ACTR3B: variants seen among roughly 807,000 people sequenced by gnomAD.
The protein encoded by ACTR3B is actin-related protein 3B.
A neutral mutation model predicts 59.0 loss-of-function variants in ACTR3B; 8 were observed. That is an observed-to-expected ratio of 0.14 (90% CI 0.08 to 0.24). The LOEUF (loss-of-function observed/expected upper bound fraction) is 0.24. ACTR3B is among the 10% of genes least tolerant of loss of function. ACTR3B has a pLI of 1.00. For missense variants in ACTR3B, 245 were observed against 552.3 expected (o/e 0.44, Z 5.58); for synonymous variants, 148 against 197.9 (o/e 0.75, Z 2.12).
chr7:152,854,567 G>A lies in ACTR3B; in HGVS notation c.*14G>A, dbSNP rs376102692. 1.6e-5 allele frequency: 25 copies of A among 1,612,596 alleles called. No homozygotes were observed. Among genetic ancestry groups the A allele is most frequent in the Admixed American group, 5.0e-5 (3 of 59,996 alleles). On this transcript the variant is annotated 3_prime_UTR_variant, in exon 12 of 12. Transcript: ENST00000256001. The surrounding 1 kb of genome is among the most constrained non-coding windows in gnomAD (Gnocchi z 4.9). ...GTCATGTCCTAGTGTCTGCCTGAAC[G>A]CGTCGTTCGATGGTGTCACGTTGGG... is the stretch of plus-strand genomic sequence containing the variant.
intron 1 of ACTR3B, among the ~76,000 whole-genome samples, chr7:152,767,367 C>T (rs2098113601): frequency 6.6e-6 from 1 of 152,130 alleles, no homozygotes; most frequent in Non-Finnish European, 1.5e-5. Flanking sequence ...TTCATAATAG[C>T]AGCACCACAC....
At chr7:152,819,847 G>T (rs1160842026) in intron 6 of ACTR3B, among the ~76,000 whole-genome samples, 5 of 150,510 alleles carry the variant, frequency 3.3e-5, no homozygotes, top group East Asian at 3.9e-4. Flanking sequence ...AGTCCAGGTT[G>T]TTAGAATCTA....
chr7:152,777,525 G>C (rs1420823919), intron 1 of ACTR3B, among the ~76,000 whole-genome samples: 1 of 152,108 alleles, frequency 6.6e-6, no homozygotes, highest in Non-Finnish European at 1.5e-5. Flanking sequence ...TCCATTATAT[G>C]TTCTTATTGT....
At chr7:152,786,595 A>C (rs995313414) in intron 2 of ACTR3B, among the ~76,000 whole-genome samples, 2 of 151,710 alleles carry the variant, frequency 1.3e-5, no homozygotes, top group Non-Finnish European at 2.9e-5. Flanking sequence ...CCCACACACA[A>C]AAAACCCCAT....
At chr7:152,833,777 G>A (rs977176275) in intron 9 of ACTR3B, among the ~76,000 whole-genome samples, 1 of 152,158 alleles carries the variant, frequency 6.6e-6, no homozygotes, top group Non-Finnish European at 1.5e-5. Flanking sequence ...TATGTGCTGT[G>A]ACATTCTTTA....
At chr7:152,761,755 AGTT>A (rs2098090101) in intron 1 of ACTR3B, among the ~76,000 whole-genome samples, 1 of 152,234 alleles carries the variant, frequency 6.6e-6, no homozygotes, top group South Asian at 2.1e-4. Flanking sequence ...GCACATCAGT[AGTT>A]CTTACATTTC....
intron 1 of ACTR3B, among the ~76,000 whole-genome samples, chr7:152,770,250 A>C (rs1466517215): frequency 6.6e-6 from 1 of 152,128 alleles, no homozygotes; most frequent in African/African-American, 2.4e-5. Flanking sequence ...ATTTCCAGTG[A>C]AGTGTGGATC....
chr7:152,801,278 C>T (rs528682825), intron 3 of ACTR3B, among the ~76,000 whole-genome samples: 16 of 152,278 alleles, frequency 1.1e-4, no homozygotes, highest in South Asian at 6.2e-4. Context: ...CAGTGTCTTG[C>T]TATGTTGCCC....
intron 2 of ACTR3B, among the ~76,000 whole-genome samples, chr7:152,793,284 ATCTTTTCTTATATATCCCAGATG>A (rs1212215937): frequency 1.3e-5 from 1 of 76,610 alleles, no homozygotes; most frequent in Non-Finnish European, 2.5e-5. Context: ...CAAATGCTAA[ATCTTTTCTTATATATCCCAGATG>A]TCCCTGAGGC....
In ACTR3B at chr7:152,844,984, G is replaced by A. The variant is rs546337129; in HGVS notation, c.952-7142G>A. On this transcript the variant is annotated intron_variant, in intron 9 of 11. Transcript: ENST00000256001. Reference sequence around the variant, plus strand: ...ATCTGAGAGGATTTAGAGGAAATTAGTACAACCGGTGAGCTCTCATACAGT... The same window carrying A: ...ATCTGAGAGGATTTAGAGGAAATTAATACAACCGGTGAGCTCTCATACAGT... 6.8e-3 allele frequency among the ~76,000 whole-genome samples: 1,006 copies of A among 148,002 alleles called. 11 individuals are homozygous for A. Among genetic ancestry groups the A allele is most frequent in the African/African-American group, 0.024 (944 of 39,860 alleles).
chr7:152,822,375 G>A (rs1461467499), intron 7 of ACTR3B, among the ~76,000 whole-genome samples: 1 of 150,908 alleles, frequency 6.6e-6, no homozygotes, highest in Non-Finnish European at 1.5e-5. Flanking sequence ...GCTGCTATGC[G>A]GAGGCCAGCT....
At chr7:152,800,957 A>G (rs1173765002) in intron 3 of ACTR3B, among the ~76,000 whole-genome samples, 3 of 152,392 alleles carry the variant, frequency 2.0e-5, no homozygotes, top group African/African-American at 7.2e-5. Context: ...GATGAGGGAA[A>G]ATTGCAGATT....
chr7:152,780,315 C>T (rs911375974), intron 1 of ACTR3B, among the ~76,000 whole-genome samples: 1 of 146,952 alleles, frequency 6.8e-6, no homozygotes, highest in Non-Finnish European at 1.5e-5. Flanking sequence ...CGCGCCACTG[C>T]ACTCTCTAGC....
intron 1 of ACTR3B, among the ~76,000 whole-genome samples, chr7:152,782,869 G>T (rs1377882505): frequency 1.2e-4 from 19 of 152,096 alleles, no homozygotes; most frequent in Non-Finnish European, 7.3e-5. Context: ...TCTTCACAGG[G>T]TTTTTGTAAA....
At chr7:152,845,056 G>C (rs1214287603) in intron 9 of ACTR3B, among the ~76,000 whole-genome samples, 1 of 148,820 alleles carries the variant, frequency 6.7e-6, no homozygotes, top group Non-Finnish European at 1.5e-5. Flanking sequence ...CCATGGCCAA[G>C]TGGGGTCCGT....
rs1796399017 is a variant in ACTR3B, at chr7:152,824,233, A to G, written c.858+718A>G. 6.6e-6 allele frequency among the ~76,000 whole-genome samples: 1 copy of G among 152,220 alleles called. No homozygotes were observed. Among genetic ancestry groups the G allele is most frequent in the Non-Finnish European group, 1.5e-5 (1 of 68,052 alleles). ...GTATATGACTATTTTGTACAGAGAAACAGCATAGAATGTGTTCCTCGCTAG... is the reference window on the plus strand; with the variant it reads ...GTATATGACTATTTTGTACAGAGAAGCAGCATAGAATGTGTTCCTCGCTAG... On this transcript the variant is annotated intron_variant, in intron 8 of 11. Coordinates refer to ENST00000256001, the MANE Select transcript of ACTR3B (RefSeq NM_020445.6). The surrounding 1 kb of genome is among the most constrained non-coding windows in gnomAD (Gnocchi z 4.2).
At chr7:152,760,073 T>G (rs1175208065) in intron 1 of ACTR3B, 147 bp downstream of exon 1, 1 of 637,550 alleles carries the variant, frequency 1.6e-6, no homozygotes. Flanking sequence ...GGCCGCCGCT[T>G]CCCTCCAAGC....
intron 2 of ACTR3B, among the ~76,000 whole-genome samples, chr7:152,787,712 G>A (rs555259831): frequency 9.9e-5 from 15 of 151,986 alleles, no homozygotes; most frequent in African/African-American, 2.9e-4. Context: ...GAATGTTTTC[G>A]GTGTCTTTTG....
At chr7:152,805,801 G>A (rs2098250534) in intron 4 of ACTR3B, among the ~76,000 whole-genome samples, 1 of 152,138 alleles carries the variant, frequency 6.6e-6, no homozygotes, top group African/African-American at 2.4e-5. Flanking sequence ...CCAGTATGTT[G>A]TCGCCTCCTC....
Sources: allele counts gnomAD v4.1 joint callset (sites outside exome capture counted in the v4.1 genomes callset), GRCh38; gene constraint gnomAD v4.1.1; non-coding constraint Gnocchi (gnomAD v3.1); transcripts MANE v1.5; gene names NCBI Gene and HGNC (gene_info 2026-07-23, HGNC 2026-07-21).